Variants in PEX14 observed in about 807,000 individuals in gnomAD.
The protein encoded by PEX14 is peroxisomal biogenesis factor 14, also known as peroxisomal membrane protein PEX14.
A neutral mutation model predicts 49.5 loss-of-function variants in PEX14; 15 were observed. The ratio of observed to expected loss-of-function variants is 0.30; its 90% confidence interval spans 0.20 to 0.47. The LOEUF is 0.47. Ranked by LOEUF, PEX14 falls within the 20% of genes least tolerant of loss-of-function variation. The pLI is 1.00. For synonymous variants in PEX14, 210 were observed against 212.7 expected (o/e 0.99, Z 0.11); for missense variants, 398 against 494.8 (o/e 0.80, Z 1.86).
intron 3 of PEX14, among the ~76,000 whole-genome samples, chr1:10,555,509 C>T (rs1174559578): frequency 1.3e-5 from 2 of 152,162 alleles, no homozygotes; most frequent in African/African-American, 4.8e-5. Context: ...AGCGTTTAAC[C>T]TATCAGAATG....
At chr1:10,574,393 A>G (rs553653064) in intron 3 of PEX14, among the ~76,000 whole-genome samples, 10 of 152,332 alleles carry the variant, frequency 6.6e-5, no homozygotes, top group South Asian at 6.2e-4. Context: ...GTACTGGGAG[A>G]TGTTCTGGAT....
At chr1:10,544,479 G>A (rs1639109329) in intron 3 of PEX14, among the ~76,000 whole-genome samples, 1 of 152,174 alleles carries the variant, frequency 6.6e-6, no homozygotes, top group Admixed American at 6.5e-5. Flanking sequence ...AAAGGGATGG[G>A]CCGAAGATGA....
chr1:10,593,477 C>T (rs1022312762), intron 3 of PEX14, among the ~76,000 whole-genome samples: 1 of 152,106 alleles, frequency 6.6e-6, no homozygotes, highest in Non-Finnish European at 1.5e-5. Flanking sequence ...CTTGAATTTA[C>T]ATATCAATAT....
At chr1:10,596,214 G>A (rs1451649338) in intron 3 of PEX14, among the ~76,000 whole-genome samples, 1 of 152,232 alleles carries the variant, frequency 6.6e-6, no homozygotes, top group African/African-American at 2.4e-5. Context: ...CTTAAAGCTG[G>A]CCAGTTCTGC....
At chr1:10,533,172 C>G (rs578158729) in intron 2 of PEX14, among the ~76,000 whole-genome samples, 86 of 152,038 alleles carry the variant, frequency 5.7e-4, no homozygotes, top group African/African-American at 2.0e-3. Context: ...GGGTGTCTTT[C>G]TTATTCAGCA....
chr1:10,576,980 G>A (rs187647281), intron 3 of PEX14, among the ~76,000 whole-genome samples: 11 of 151,974 alleles, frequency 7.2e-5, no homozygotes, highest in Admixed American at 7.2e-4. Flanking sequence ...GACCTCAGGT[G>A]GTCCACCTGC....
chr1:10,592,291 A>G (rs1172323888), intron 3 of PEX14, among the ~76,000 whole-genome samples: 1 of 152,176 alleles, frequency 6.6e-6, no homozygotes, highest in Non-Finnish European at 1.5e-5. Flanking sequence ...ACCTGTTGCC[A>G]AAGACCTGCT....
rs781098470 is a variant in PEX14 at position 10,629,478 on chromosome 1, A to AG, written c.678-47dup. ...GGTCAGGGAAGGCGTGGCCCTTCGA[A>AG]GGGGGGCGTCCTGAATGCCGCCACC... On this transcript the variant is annotated intron_variant, in intron 8 of 8. Coordinates refer to ENST00000356607, the MANE Select transcript of PEX14 (RefSeq NM_004565.3). The surrounding 1 kb of genome is among the most constrained non-coding windows in gnomAD (Gnocchi z 8.5). 3.8e-6 allele frequency: 5 copies of AG among 1,312,766 alleles called. No homozygotes were observed. The highest frequency in any genetic ancestry group is 4.4e-6 in the Non-Finnish European group (4 of 912,520). The allele number at this position is 1,312,766 out of a possible 1,614,324, so 81.3% of individuals were successfully genotyped here.
intron 3 of PEX14, among the ~76,000 whole-genome samples, chr1:10,537,385 T>C (rs1293164338): frequency 7.9e-6 from 1 of 125,984 alleles, no homozygotes; most frequent in Admixed American, 9.9e-5. Flanking sequence ...AAATTTGGAG[T>C]GTGTTGGCTG....
In PEX14 at chr1:10,514,261, T is replaced by C. The variant is rs1410460941; in HGVS notation, c.84+18940T>C. On this transcript the variant is annotated intron_variant, in intron 2 of 8. Coordinates refer to ENST00000356607, the MANE Select transcript of PEX14 (RefSeq NM_004565.3). This position sits in a 1 kb window ranked among gnomAD's most constrained non-coding sequence, Gnocchi z 4.4. ...GCAGTGAGAAACTTCTGTCATCCTT[T>C]CTCCCAGTTCAGGTTGATTTGTACG... Among the ~76,000 whole-genome samples the C allele has an allele frequency of 6.6e-6, 1 of 151,726 alleles. No individual in the cohort carries two copies. Among genetic ancestry groups the C allele is most frequent in the African/African-American group, 2.4e-5 (1 of 41,320 alleles).
chr1:10,618,755 C>T (rs1461723894), intron 5 of PEX14, among the ~76,000 whole-genome samples: 1 of 152,236 alleles, frequency 6.6e-6, no homozygotes, highest in Non-Finnish European at 1.5e-5. Context: ...AGTTTTGAGA[C>T]ACAGAATAAC....
At chr1:10,510,438 T>G (rs1429220640) in intron 2 of PEX14, among the ~76,000 whole-genome samples, 1 of 152,228 alleles carries the variant, frequency 6.6e-6, no homozygotes, top group Non-Finnish European at 1.5e-5. Flanking sequence ...AGCCCCCTTT[T>G]TGAGCATTTA....
intron 3 of PEX14, 49 bp downstream of exon 3, chr1:10,536,346 C>A: frequency 8.6e-7 from 1 of 1,161,494 alleles, no homozygotes; most frequent in Non-Finnish European, 1.3e-6. Context: ...GGGACTGGGG[C>A]TGGGGCAGAT....
At chr1:10,496,483 C>T (rs1489818362) in intron 2 of PEX14, among the ~76,000 whole-genome samples, 1 of 152,168 alleles carries the variant, frequency 6.6e-6, no homozygotes, top group African/African-American at 2.4e-5. Context: ...GCCCCTCAGG[C>T]CGAAGTTGTG....
chr1:10,567,676 G>C (rs1639846453), intron 3 of PEX14, among the ~76,000 whole-genome samples: 1 of 152,112 alleles, frequency 6.6e-6, no homozygotes, highest in Non-Finnish European at 1.5e-5. Flanking sequence ...TGTATTTTTA[G>C]TAGAGACGGG....
rs769977206 is a variant in PEX14 at position 10,535,532 on chromosome 1, G to A, written c.85-681G>A. On this transcript the variant is annotated intron_variant, in intron 2 of 8. Transcript: ENST00000356607. ...GTCTCCGACATAATCCCTTCCAGCCGGGACGCCCTCAACACTTTGCCAGGC... is the reference window on the plus strand; with the variant it reads ...GTCTCCGACATAATCCCTTCCAGCCAGGACGCCCTCAACACTTTGCCAGGC... Among the ~76,000 whole-genome samples, 7 of 152,188 alleles carry A rather than the reference G, an allele frequency of 4.6e-5. No homozygotes were observed. The South Asian group carries it at 1.2e-3, about 27-fold the overall frequency.
At position 10,495,344 on chromosome 1, in the gene PEX14, A is replaced by G. The variant is rs746110641; in HGVS notation, c.84+23A>G. On this transcript the variant is annotated intron_variant, in intron 2 of 8. Transcript: ENST00000356607. The surrounding 1 kb of genome is among the most constrained non-coding windows in gnomAD (Gnocchi z 4.2). ...CTGGTAAGTACCCAAGATATGTGGT[A>G]TCACTTTCTAGTAATTAAAATGCCA... is the stretch of plus-strand genomic sequence containing the variant. The G allele has an allele frequency of 6.3e-7, 1 of 1,593,936 alleles. No homozygotes were observed. Among genetic ancestry groups the G allele is most frequent in the Non-Finnish European group, 8.6e-7 (1 of 1,162,372 alleles).
Position 10,618,388 on chromosome 1 carries a change from A to G in PEX14, c.355A>G (p.Ile119Val). 3.1e-6 allele frequency: 5 copies of G among 1,613,874 alleles called. No individual in the cohort carries two copies. The South Asian group carries it at 5.5e-5, about 18-fold the overall frequency. Residue 119 changes from isoleucine to valine, a missense_variant, in exon 5 of 9, where the codon ATT (isoleucine) becomes GTT (valine). Around this residue, in one of 3 missense-constraint regions of PEX14, gnomAD observed 202 missense variants for 298.5 expected, o/e 0.68. Coordinates refer to ENST00000356607, the MANE Select transcript of PEX14 (RefSeq NM_004565.3). ...YGALAIIMAG[I>V]AFGFHQLYKK... ...CGCCCTGGCCATCATCATGGCAGGC[A>G]TTGCATTTGGCTTTCACCAGCTCTA...
At chr1:10,564,904 C>CTT (rs57411640) in intron 3 of PEX14, among the ~76,000 whole-genome samples, 8,897 of 125,452 alleles carry the variant, frequency 0.071, 1,045 homozygotes, top group African/African-American at 0.21. Context: ...TTTTGTATAT[C>CTT]TTTTTTTTTT....
Sources: allele counts gnomAD v4.1 joint callset (sites outside exome capture counted in the v4.1 genomes callset), GRCh38; gene constraint gnomAD v4.1.1; regional missense constraint gnomAD v4.1.1; non-coding constraint Gnocchi (gnomAD v3.1); transcripts MANE v1.5; gene names NCBI Gene and HGNC (gene_info 2026-07-23, HGNC 2026-07-21).